SREBF2: variants seen among roughly 807,000 people sequenced by gnomAD.
SREBF2 encodes the protein sterol regulatory element binding transcription factor 2, also known as sterol regulatory element-binding protein 2.
Under a neutral mutation model 113.1 loss-of-function variants are expected in SREBF2, and 55 were observed. The observed-to-expected ratio is 0.49, with a 90% CI of 0.39 to 0.61. SREBF2 has a LOEUF of 0.61. SREBF2 is among the 20% of genes least tolerant of loss of function. The pLI, the probability that SREBF2 is intolerant of heterozygous loss-of-function variation, is 0.00. For missense variants in SREBF2, 1,349 were observed against 1,487.4 expected (o/e 0.91, Z 1.53); for synonymous variants, 593 against 605.7 (o/e 0.98, Z 0.31).
intron 15 of SREBF2, chr22:41,899,930 CT>C (rs541771237): frequency 8.9e-4 from 1,013 of 1,141,454 alleles, no homozygotes; most frequent in Non-Finnish European, 1.0e-3. Flanking sequence ...AAGAAGCTAA[CT>C]AAGTATCTCC....
chr22:41,895,140 G>GTTT (rs371294741), intron 13 of SREBF2, among the ~76,000 whole-genome samples: 1 of 138,144 alleles, frequency 7.2e-6, no homozygotes. Flanking sequence ...GACCAAGTGC[G>GTTT]TTTTTTTTTT....
intron 1 of SREBF2, among the ~76,000 whole-genome samples, chr22:41,859,798 T>G (rs9611678): frequency 7.4e-6 from 1 of 135,184 alleles, no homozygotes; most frequent in Non-Finnish European, 1.6e-5. Context: ...ATATGGTGAT[T>G]CTTTTTTTTT....
At chr22:41,888,870 T>C (rs1261358484) in intron 11 of SREBF2, among the ~76,000 whole-genome samples, 1 of 152,228 alleles carries the variant, frequency 6.6e-6, no homozygotes, top group Non-Finnish European at 1.5e-5. Context: ...CTCTGTTTAC[T>C]TCTCTTGAGA....
chr22:41,858,478 C>A (rs2076996875), intron 1 of SREBF2, among the ~76,000 whole-genome samples: 1 of 151,958 alleles, frequency 6.6e-6, no homozygotes, highest in Non-Finnish European at 1.5e-5. Flanking sequence ...ACGGAGTGGG[C>A]ATGTTGGCTC....
chr22:41,843,554 A>G (rs1292361537), intron 1 of SREBF2, among the ~76,000 whole-genome samples: 1 of 152,238 alleles, frequency 6.6e-6, no homozygotes. Flanking sequence ...TAAGTGATGG[A>G]ACAGTGGCCT....
At chr22:41,892,727 G>A (rs1209969010) in intron 11 of SREBF2, among the ~76,000 whole-genome samples, 5 of 151,792 alleles carry the variant, frequency 3.3e-5, no homozygotes, top group Admixed American at 2.0e-4. Context: ...TCTCGGGGCC[G>A]AGGGGAAAGT....
intron 3 of SREBF2, among the ~76,000 whole-genome samples, chr22:41,869,584 A>G (rs1220461460): frequency 6.6e-6 from 1 of 150,650 alleles, no homozygotes; most frequent in South Asian, 2.1e-4. Context: ...ACCAGGTTCA[A>G]GCGATTCTCC....
rs1053199241 is a variant in SREBF2 at position 41,904,634 on chromosome 22, T to C, written c.3094-229T>C. 1.2e-5 allele frequency: 8 copies of C among 693,378 alleles called. No individual in the cohort carries two copies. In the Admixed American group the frequency reaches 1.6e-4, roughly 14 times the overall value. 43.0% of individuals were successfully genotyped at this position (693,378 alleles called of 1,614,324 possible). ...TGTCACCAGTTGGGAAAAGCAGGCCTTTTGCCTCTCTCTCCTCTCATCCTG... is the reference window on the plus strand; with the variant it reads ...TGTCACCAGTTGGGAAAAGCAGGCCCTTTGCCTCTCTCTCCTCTCATCCTG... On this transcript the variant is annotated intron_variant, in intron 17 of 18. Coordinates refer to ENST00000361204, the MANE Select transcript of SREBF2 (RefSeq NM_004599.4).
At chr22:41,889,223 C>T (rs1011956317) in intron 11 of SREBF2, among the ~76,000 whole-genome samples, 1 of 152,174 alleles carries the variant, frequency 6.6e-6, no homozygotes, top group Non-Finnish European at 1.5e-5. Flanking sequence ...CCTCTCTGGG[C>T]TCAAGTGATC....
chr22:41,851,499 G>T (rs74632114), intron 1 of SREBF2, among the ~76,000 whole-genome samples: 1 of 149,314 alleles, frequency 6.7e-6, no homozygotes, highest in South Asian at 2.1e-4. Flanking sequence ...TTGTTTGTTT[G>T]TTTGTTTTTT....
intron 1 of SREBF2, among the ~76,000 whole-genome samples, chr22:41,852,271 T>C (rs2148355195): frequency 6.6e-6 from 1 of 152,240 alleles, no homozygotes; most frequent in Non-Finnish European, 1.5e-5. Flanking sequence ...TTTTTCTGTG[T>C]ATTGATATAT....
chr22:41,877,968 A>T lies in SREBF2; in HGVS notation c.1606A>T (p.Met536Leu). ...TTCTGGGGGCTGGTTTGACTGGATG[A>T]TGCCTACTCTTCTCTTATGGCTGGT... ...SGSGGWFDWM[M>L]PTLLLWLVNG... The change falls in exon 9 of 19, where the codon ATG (methionine) becomes TTG (leucine). Residue 536 changes from methionine to leucine, a missense_variant. This residue lies in a region of SREBF2 where 699 missense variants were observed against 843.3 expected (regional missense o/e 0.83). Coordinates refer to ENST00000361204, the MANE Select transcript of SREBF2 (RefSeq NM_004599.4). 1 of 1,614,104 alleles carries T rather than the reference A, an allele frequency of 6.2e-7. No individual in the cohort carries two copies. The highest frequency in any genetic ancestry group is 8.5e-7 in the Non-Finnish European group (1 of 1,180,024).
chr22:41,900,003 T>C (rs1355199289), intron 15 of SREBF2: 11 of 1,261,518 alleles, frequency 8.7e-6, no homozygotes, highest in African/African-American at 3.1e-5. Context: ...CAACACCTTA[T>C]TGTGGCCACT....
chr22:41,884,676 A>G (rs1387020018), intron 10 of SREBF2, among the ~76,000 whole-genome samples, 166 bp from the exon 11 acceptor site: 1 of 152,194 alleles, frequency 6.6e-6, no homozygotes. Flanking sequence ...CACAGCCAGT[A>G]TATCACAGAG....
At chr22:41,845,438 G>A (rs1436579395) in intron 1 of SREBF2, among the ~76,000 whole-genome samples, 1 of 152,136 alleles carries the variant, frequency 6.6e-6, no homozygotes, top group Non-Finnish European at 1.5e-5. Context: ...CCCCTTCTCT[G>A]GTCAAAAGTT....
At position 41,841,641 on chromosome 22, in the gene SREBF2, T is replaced by A. The variant is rs75367247; in HGVS notation, c.88+8283T>A. On this transcript the variant is annotated intron_variant, in intron 1 of 18. Coordinates refer to ENST00000361204, the MANE Select transcript of SREBF2 (RefSeq NM_004599.4). ...TTGGCATTTTAAAAAATATATATTT[T>A]TGCTTCTTTCTCAACTAGATCATTT... Among the ~76,000 whole-genome samples, 41 of 152,328 alleles carry A rather than the reference T, an allele frequency of 2.7e-4. No individual in the cohort carries two copies. The East Asian group carries it at 6.6e-3, about 24-fold the overall frequency.
At chr22:41,899,930 C>A in intron 15 of SREBF2, 4 of 1,141,460 alleles carry the variant, frequency 3.5e-6, no homozygotes, top group Non-Finnish European at 3.3e-6. Context: ...AAGAAGCTAA[C>A]TAAGTATCTC....
chr22:41,871,472 T>C (rs1229416508), intron 4 of SREBF2, among the ~76,000 whole-genome samples: 1 of 152,194 alleles, frequency 6.6e-6, no homozygotes, highest in Non-Finnish European at 1.5e-5. Flanking sequence ...TAAATGGTGA[T>C]TAAAATTTAG....
chr22:41,871,279 A>G (rs554892781), intron 4 of SREBF2, among the ~76,000 whole-genome samples: 6 of 152,306 alleles, frequency 3.9e-5, no homozygotes, highest in East Asian at 1.9e-4. Context: ...AGGACCCTCT[A>G]TTCTTGGCTA....
Sources: gnomAD v4.1 joint callset for allele counts (sites outside exome capture counted in the v4.1 genomes callset) on GRCh38, gnomAD v4.1.1 for gene constraint, gnomAD v4.1.1 regional missense constraint, MANE v1.5 for transcripts, NCBI Gene and HGNC (gene_info 2026-07-23, HGNC 2026-07-21) for gene names.